Variants in RNF19B observed in about 807,000 individuals in gnomAD.
RNF19B encodes the protein ring finger protein 19B.
Under a neutral mutation model 65.5 loss-of-function variants are expected in RNF19B, and 23 were observed. That is an observed-to-expected ratio of 0.35 (90% CI 0.25 to 0.50). The LOEUF is 0.50. RNF19B is among the 20% of genes least tolerant of loss of function. The pLI is 0.98. For missense variants in RNF19B, 794 were observed against 980.0 expected (o/e 0.81, Z 2.53); for synonymous variants, 372 against 379.6 (o/e 0.98, Z 0.23).
At chr1:32,960,506 C>T (rs959545373) in intron 1 of RNF19B, among the ~76,000 whole-genome samples, 6 of 152,064 alleles carry the variant, frequency 3.9e-5, no homozygotes, top group South Asian at 4.2e-4. Context: ...TGCAGTGGTT[C>T]GTGCCTATAA....
the RNF19B span, among the ~76,000 whole-genome samples, chr1:32,931,061 G>A: frequency 6.6e-5 from 10 of 150,760 alleles, no homozygotes; most frequent in Non-Finnish European, 1.5e-4. Flanking sequence ...GCACTCCAGC[G>A]TAGGCAACAG....
chr1:32,946,542 C>G lies in RNF19B; in HGVS notation c.1006G>C (p.Gly336Arg). The G allele has an allele frequency of 6.2e-7, 1 of 1,614,002 alleles. No individual in the cohort carries two copies. Among genetic ancestry groups the G allele is most frequent in the Middle Eastern group, 1.7e-4 (1 of 6,060 alleles). ...YLSPSGCTFW[G>R]KKPWSRKKKI... is the part of the protein sequence containing the mutation. ...TTCTTACGGCTCCATGGCTTCTTGCCCCAGAATGTACAGCCAGAGGGGCTG... is the reference window on the plus strand; with the variant it reads ...TTCTTACGGCTCCATGGCTTCTTGCGCCAGAATGTACAGCCAGAGGGGCTG... The change falls in exon 4 of 9, where the codon GGC becomes CGC. Residue 336 changes from glycine to arginine, a missense_variant. Gly to Arg is a moderately radical substitution (Grantham distance 125). This residue lies in a region of RNF19B where 52 missense variants were observed against 108.8 expected (regional missense o/e 0.48). Coordinates refer to ENST00000235150, the MANE Select transcript of RNF19B (RefSeq NM_001300826.2).
chr1:32,933,545 A>G (rs191887692), downstream of RNF19B, among the ~76,000 whole-genome samples: 466 of 152,076 alleles, frequency 3.1e-3, 2 homozygotes, highest in African/African-American at 0.011. Context: ...ATGAGCCACC[A>G]CGCCCGGCCA....
At chr1:32,929,643 G>T in the RNF19B span, among the ~76,000 whole-genome samples, 1 of 152,172 alleles carries the variant, frequency 6.6e-6, no homozygotes, top group African/African-American at 2.4e-5. Context: ...TGGTGGTATT[G>T]CTGGGTGCTT....
chr1:32,946,194 T>C (rs1642364708), intron 4 of RNF19B, among the ~76,000 whole-genome samples: 1 of 152,122 alleles, frequency 6.6e-6, no homozygotes, highest in Admixed American at 6.6e-5. Flanking sequence ...TTTAAGTCAC[T>C]GAGACAAGCC....
At chr1:32,930,667 C>T in the RNF19B span, among the ~76,000 whole-genome samples, 8 of 152,292 alleles carry the variant, frequency 5.3e-5, no homozygotes, top group East Asian at 1.3e-3. Flanking sequence ...CTCAGCCTCC[C>T]AGAGTGCTGG....
chr1:32,952,432 A>T (rs1642525863), intron 1 of RNF19B, among the ~76,000 whole-genome samples: 1 of 61,912 alleles, frequency 1.6e-5, no homozygotes, highest in African/African-American at 7.1e-5. Context: ...TTTCTCTTAA[A>T]AAAAAAAAAA....
chr1:32,953,140 A>C (rs938738533), intron 1 of RNF19B, among the ~76,000 whole-genome samples: 7 of 145,366 alleles, frequency 4.8e-5, no homozygotes, highest in African/African-American at 1.0e-4. Context: ...TTTTCTTTTT[A>C]TTTTTTTTTT....
rs1034115182 is a variant in RNF19B at position 32,945,453 on chromosome 1, C to G, written c.1261+61G>C. 4 of 1,042,036 alleles carry G rather than the reference C, an allele frequency of 3.8e-6. No individual in the cohort carries two copies. The South Asian group carries it at 5.4e-5, about 14-fold the overall frequency. 64.5% of individuals were successfully genotyped at this position (1,042,036 alleles called of 1,614,324 possible). On this transcript the variant is annotated intron_variant, in intron 5 of 8. Coordinates refer to ENST00000235150, the MANE Select transcript of RNF19B (RefSeq NM_001300826.2). ...GAGTCTTTGAGAAACATCTGGCCAT[C>G]TGGCTAAACTGCTATGGTCAGAAAG... is the stretch of plus-strand genomic sequence containing the variant.
chr1:32,958,611 G>C (rs887746734), intron 1 of RNF19B, among the ~76,000 whole-genome samples: 3 of 152,010 alleles, frequency 2.0e-5, no homozygotes, highest in Non-Finnish European at 4.4e-5. Flanking sequence ...AGCTACTCAG[G>C]AGGCTGAGGC....
rs1642842642 is a variant in RNF19B at position 32,964,200 on chromosome 1, G to C, written c.486C>G (p.Ser162Arg). ...TGAGTCGCTCGCTGCACTCGGGGCA[G>C]CTGATGGGCACCCTGCTCTCGCTTA... ...LEISESRVPI[S>R]CPECSERLNP... is the part of the protein sequence containing the mutation. The change falls in exon 1 of 9, where the codon AGC becomes AGG. Residue 162 changes from serine to arginine, a missense_variant. By Grantham distance (110) the Ser-to-Arg change is moderately radical (BLOSUM62 -1). Coordinates refer to ENST00000235150, the MANE Select transcript of RNF19B (RefSeq NM_001300826.2). This position sits in a 1 kb window ranked among gnomAD's most constrained non-coding sequence, Gnocchi z 6.5. The C allele has an allele frequency of 6.5e-7, 1 of 1,546,714 alleles. No homozygotes were observed. The highest frequency in any genetic ancestry group is 2.0e-5 in the Admixed American group (1 of 50,672).
chr1:32,944,774 C>T (rs866477013), intron 5 of RNF19B, among the ~76,000 whole-genome samples: 41 of 152,046 alleles, frequency 2.7e-4, no homozygotes, highest in South Asian at 2.1e-3. Flanking sequence ...CTGCAAGCTC[C>T]GCCTCCCAGG....
chr1:32,948,157 AT>A, intron 3 of RNF19B, 64 bp downstream of exon 3: 1 of 1,555,620 alleles, frequency 6.4e-7, no homozygotes, highest in Non-Finnish European at 8.8e-7. Context: ...TCTTTTTGAC[AT>A]CCTTTTCCCT....
intron 1 of RNF19B, among the ~76,000 whole-genome samples, chr1:32,950,225 G>A (rs1281244700): frequency 2.0e-5 from 3 of 151,946 alleles, no homozygotes; most frequent in African/African-American, 7.3e-5. Context: ...CACCCGCCTC[G>A]GCCTCCCAAA....
In RNF19B at chr1:32,949,656, C is replaced by T. The variant is rs751499392; in HGVS notation, c.754G>A (p.Asp252Asn). The T allele has an allele frequency of 5.0e-6, 8 of 1,613,768 alleles. No homozygotes were observed. The highest frequency in any genetic ancestry group is 2.2e-5 in the East Asian group (1 of 44,864). Residue 252 changes from aspartate (D) to asparagine (N), a missense_variant, in exon 2 of 9, where the codon GAT (aspartate) becomes AAT (asparagine). Around this residue, in one of 3 missense-constraint regions of RNF19B, gnomAD observed 374 missense variants for 423.8 expected, o/e 0.88. Coordinates refer to ENST00000235150, the MANE Select transcript of RNF19B (RefSeq NM_001300826.2). ...TGGGCCCTCTGTTGACGGGCCATAT[C>T]GCATGTCTGATTTGGATGCCATATC... ...KQIWHPNQTC[D>N]MARQQRAQTL...
At chr1:32,956,135 G>A (rs1642633694) in intron 1 of RNF19B, among the ~76,000 whole-genome samples, 1 of 152,222 alleles carries the variant, frequency 6.6e-6, no homozygotes, top group Non-Finnish European at 1.5e-5. Flanking sequence ...GGAGGCTGAG[G>A]TGGGTGGATC....
chr1:32,938,489 G>C lies in RNF19B; in HGVS notation c.1650C>G (p.Pro550=). Residue 550 remains proline, a synonymous_variant, in exon 8 of 9, where the codon CCC becomes CCG. Coordinates refer to ENST00000235150, the MANE Select transcript of RNF19B (RefSeq NM_001300826.2). ...VQADVQKEIF[P]KDTASLGAIS... ...TTGCACCAAGACTGGCTGTGTCTTT[G>C]GGGAAAATTTCCTTTTGGACATCGG... 1 of 1,614,132 alleles carries C rather than the reference G, an allele frequency of 6.2e-7. No homozygotes were observed. Among genetic ancestry groups the C allele is most frequent in the Non-Finnish European group, 8.5e-7 (1 of 1,180,032 alleles).
intron 7 of RNF19B, among the ~76,000 whole-genome samples, chr1:32,941,573 C>T (rs1333557015): frequency 6.6e-6 from 1 of 151,962 alleles, no homozygotes; most frequent in Non-Finnish European, 1.5e-5. Flanking sequence ...AGCCATGATA[C>T]AGCATAAATG....
intron 7 of RNF19B, among the ~76,000 whole-genome samples, chr1:32,939,730 GCA>G (rs933458130): frequency 6.6e-6 from 1 of 152,168 alleles, no homozygotes; most frequent in Non-Finnish European, 1.5e-5. Context: ...TCACTTTGTT[GCA>G]CAGTTAAGTA....
Sources: allele counts gnomAD v4.1 joint callset (sites outside exome capture counted in the v4.1 genomes callset), GRCh38; gene constraint gnomAD v4.1.1; regional missense constraint gnomAD v4.1.1; non-coding constraint Gnocchi (gnomAD v3.1); transcripts MANE v1.5; gene names NCBI Gene and HGNC (gene_info 2026-07-23, HGNC 2026-07-21).